The following PTGIS variants were observed in gnomAD, a reference collection of about 807,000 sequenced individuals.
PTGIS encodes prostaglandin I2 synthase.
PTGIS carries 45 observed loss-of-function variants against 50.3 expected under a neutral mutation model. The ratio of observed to expected loss-of-function variants is 0.90; its 90% CI spans 0.70 to 1.15. PTGIS has a LOEUF of 1.15. Among genes scored for constraint, PTGIS ranks in the 50% most tolerant of loss-of-function variants. The pLI is 0.00. For synonymous variants in PTGIS, 260 were observed against 267.7 expected, an observed-to-expected ratio of 0.97 and a Z score of 0.28; for missense variants, 668 against 661.3, an observed-to-expected ratio of 1.01 and a Z score of -0.11.
intron 5 of PTGIS, among the ~76,000 whole-genome samples, chr20:49,532,386 A>AT (rs998175644): frequency 7.5e-4 from 113 of 151,676 alleles, no homozygotes; most frequent in African/African-American, 2.4e-3. Flanking sequence ...GAAATATTTG[A>AT]TTTTTTTTTA....
chr20:49,544,175 CTT>C, intron 4 of PTGIS, 128 bp downstream of exon 4: 1 of 1,269,086 alleles, frequency 7.9e-7, no homozygotes, highest in Non-Finnish European at 1.1e-6. Flanking sequence ...TTCCTACAGT[CTT>C]TGCTTTGGGT....
chr20:49,560,501 C>G (rs892526339), intron 1 of PTGIS, among the ~76,000 whole-genome samples: 6 of 152,120 alleles, frequency 3.9e-5, no homozygotes, highest in Non-Finnish European at 7.3e-5. Context: ...CTATGCCCAG[C>G]CCAAAAGGGT....
At position 49,568,136 on chromosome 20, in the gene PTGIS, G is replaced by GCGGGGCTGGCGGGGCTGT; in HGVS notation, c.-21_-20insACAGCCCCGCCAGCCCCG. On this transcript the variant is annotated 5_prime_UTR_variant, in exon 1 of 10. Coordinates refer to ENST00000244043, the MANE Select transcript of PTGIS (RefSeq NM_000961.4). ...AGCCATCGCGGGGCTGGCGGGGCTGGCGGGGCTGGCGGGGCTGGCGGCCTG... is the reference window on the plus strand; with the variant it reads ...AGCCATCGCGGGGCTGGCGGGGCTGGCGGGGCTGGCGGGGCTGTCGGGGCTGGCGGGGCTGGCGGCCTG... 8.2e-7 allele frequency: 1 copy of GCGGGGCTGGCGGGGCTGT among 1,219,280 alleles called. No individual in the cohort carries two copies. The highest frequency in any genetic ancestry group is 2.2e-5 in the South Asian group (1 of 46,506). The allele number at this position is 1,219,280 out of a possible 1,614,324, so 75.5% of individuals were successfully genotyped here. A position where few individuals can be genotyped will look rare whatever the true frequency, so the allele number is the denominator to read the frequency against.
intron 3 of PTGIS, among the ~76,000 whole-genome samples, chr20:49,547,637 A>AC (rs758251557): frequency 0.025 from 3,850 of 151,566 alleles, 51 homozygotes; most frequent in Non-Finnish European, 0.035. Context: ...AAACAAACAA[A>AC]AAAACCCGCC....
chr20:49,544,143 G>A (rs763677217), intron 4 of PTGIS, among the ~76,000 whole-genome samples, 162 bp downstream of exon 4: 4 of 152,110 alleles, frequency 2.6e-5, no homozygotes, highest in East Asian at 1.9e-4. Flanking sequence ...ATGAACAGCC[G>A]GGGCCCTGGT....
At chr20:49,548,361 C>G (rs1408897948) in intron 2 of PTGIS, among the ~76,000 whole-genome samples, 4 of 152,206 alleles carry the variant, frequency 2.6e-5, no homozygotes. Flanking sequence ...CCATGATTAT[C>G]TTGGTTATTG....
intron 8 of PTGIS, among the ~76,000 whole-genome samples, chr20:49,512,208 GGTGA>G (rs906469421): frequency 7.2e-5 from 11 of 151,772 alleles, no homozygotes; most frequent in African/African-American, 2.7e-4. Flanking sequence ...TGGGTAGATG[GGTGA>G]GTATGTGGAT....
In PTGIS at chr20:49,511,179, C is replaced by T. The variant is rs1211058686; in HGVS notation, c.1207G>A (p.Val403Ile). 1.9e-6 allele frequency: 3 copies of T among 1,613,974 alleles called. No homozygotes were observed. The highest frequency in any genetic ancestry group is 1.6e-4 in the Middle Eastern group (1 of 6,078). ...TTCAGGAATCGGTTGTATTTAAATA[C>T]CTGAAATAGGAAGAAGGTCCTTTTC... Reference protein sequence around the residue: ...RDPEIYTDPEVFKYNRFLNPD... With the variant: ...RDPEIYTDPEIFKYNRFLNPD... Residue 403 changes from valine (V) to isoleucine (I), a missense_variant and splice_region_variant, in exon 9 of 10, where the codon GTA (valine) becomes ATA (isoleucine). Physicochemically the swap from Val to Ile is conservative, Grantham distance 29 (BLOSUM62 3). Transcript: ENST00000244043.
rs144711125 is a variant in PTGIS, at chr20:49,551,494, C to T, written c.75-1305G>A. ...GAAAGTTTTAAAATCCACCTATAAC[C>T]TGGAAGCACCCCCCACATCAAGTTG... On this transcript the variant is annotated intron_variant, in intron 1 of 9. Transcript: ENST00000244043. Among the ~76,000 whole-genome samples the T allele has an allele frequency of 3.2e-3, 483 of 152,298 alleles. 3 individuals carry two copies. Among genetic ancestry groups the T allele is most frequent in the African/African-American group, 0.011 (460 of 41,572 alleles).
At position 49,508,136 on chromosome 20, in the gene PTGIS, A is replaced by G. The variant is rs1432321132; in HGVS notation, c.1359-72T>C. ...GGGGTTATCGGGAACAAGGCAGGGG[A>G]GCCATGGCTGCCTCCTAAGTCTGAC... On this transcript the variant is annotated intron_variant, in intron 9 of 9. Transcript: ENST00000244043. 1.5e-5 allele frequency: 23 copies of G among 1,559,318 alleles called. No individual in the cohort carries two copies. The Admixed American group carries it at 3.4e-4, about 23-fold the overall frequency.
intron 4 of PTGIS, among the ~76,000 whole-genome samples, chr20:49,544,066 C>A (rs1207119129): frequency 6.6e-6 from 1 of 152,230 alleles, no homozygotes; most frequent in Non-Finnish European, 1.5e-5. Flanking sequence ...GTGACTTCCT[C>A]TCTGAATGAC....
At chr20:49,518,766 T>C (rs1981565448) in intron 6 of PTGIS, among the ~76,000 whole-genome samples, 1 of 152,180 alleles carries the variant, frequency 6.6e-6, no homozygotes, top group African/African-American at 2.4e-5. Context: ...AGAGGTGAGA[T>C]TCCACCCGAG....
chr20:49,562,939 G>A (rs1982813083), intron 1 of PTGIS, among the ~76,000 whole-genome samples: 1 of 152,188 alleles, frequency 6.6e-6, no homozygotes, highest in African/African-American at 2.4e-5. Context: ...AACAGTGGCT[G>A]GTCTGAATGA....
At chr20:49,566,415 T>C (rs1487913026) in intron 1 of PTGIS, among the ~76,000 whole-genome samples, 1 of 152,274 alleles carries the variant, frequency 6.6e-6, no homozygotes, top group Non-Finnish European at 1.5e-5. Flanking sequence ...AAAACATTTC[T>C]ATACAGTGTA....
At chr20:49,535,660 G>A (rs935136764) in intron 5 of PTGIS, among the ~76,000 whole-genome samples, 4 of 152,118 alleles carry the variant, frequency 2.6e-5, no homozygotes, top group Non-Finnish European at 5.9e-5. Flanking sequence ...GATTACAGGC[G>A]CTTGCCGCCA....
At chr20:49,545,947 T>C (rs1982346778) in intron 3 of PTGIS, among the ~76,000 whole-genome samples, 2 of 152,232 alleles carry the variant, frequency 1.3e-5, no homozygotes, top group South Asian at 4.2e-4. Context: ...GCACAGGGCG[T>C]CCATGAACTC....
intron 1 of PTGIS, among the ~76,000 whole-genome samples, chr20:49,555,849 T>C (rs1469254420): frequency 6.6e-6 from 1 of 152,138 alleles, no homozygotes; most frequent in Admixed American, 6.5e-5. Context: ...CTCTTAAACA[T>C]GGGCTTCTGA....
At chr20:49,560,255 C>T (rs1261678015) in intron 1 of PTGIS, among the ~76,000 whole-genome samples, 7 of 150,804 alleles carry the variant, frequency 4.6e-5, no homozygotes, top group African/African-American at 7.3e-5. Context: ...GCTGGAGGGC[C>T]GTGGCATGAT....
intron 1 of PTGIS, among the ~76,000 whole-genome samples, chr20:49,560,006 C>T (rs1982725035): frequency 6.6e-6 from 1 of 151,436 alleles, no homozygotes; most frequent in African/African-American, 2.4e-5. Flanking sequence ...CTCACTGCAA[C>T]CTGCACCTCC....
Sources: allele counts gnomAD v4.1 joint callset (sites outside exome capture counted in the v4.1 genomes callset), GRCh38; gene constraint gnomAD v4.1.1; transcripts MANE v1.5; gene names NCBI Gene and HGNC (gene_info 2026-07-23, HGNC 2026-07-21).